RAB9B: variants seen among roughly 807,000 people sequenced by gnomAD.
RAB9B encodes the protein ras-related protein Rab-9B.
A neutral mutation model predicts 8.9 loss-of-function variants in RAB9B; 1 was observed. The observed-to-expected ratio is 0.11, with a 90% confidence interval of 0.04 to 0.53. RAB9B has a LOEUF of 0.53. Among genes scored for constraint, RAB9B ranks in the 20% least tolerant of loss-of-function variants. The pLI is 0.93. For synonymous variants in RAB9B, 63 were observed against 57.0 expected (o/e 1.10, Z -0.47); for missense variants, 82 against 152.9 (o/e 0.54, Z 2.45).
chrX:103,800,936 T>G, the RAB9B span, among the ~76,000 whole-genome samples: 3 of 111,980 alleles, frequency 2.7e-5, no homozygotes, highest in Non-Finnish European at 5.6e-5. Context: ...AAGACTTTAA[T>G]GCAGTTCAAT....
chrX:103,812,194 G>C, the RAB9B span, among the ~76,000 whole-genome samples: 4 of 110,394 alleles, frequency 3.6e-5, no homozygotes, highest in Admixed American at 3.9e-4. Context: ...CATTATGAAG[G>C]CTCCACTCTC....
In RAB9B at chrX:103,825,584, T is replaced by C; in HGVS notation, c.201A>G (p.Glu67=). 1 of 1,211,941 alleles carries C rather than the reference T, an allele frequency of 8.3e-7. No homozygotes were observed. The highest frequency in any genetic ancestry group is 1.8e-5 in the South Asian group (1 of 57,012). The change falls in exon 3 of 3, where the codon GAA becomes GAG. Residue 67 remains glutamate (E), a synonymous_variant. Coordinates refer to ENST00000243298, the MANE Select transcript of RAB9B (RefSeq NM_016370.4). ...AGGGTGTCCTAAGGCTCTTGAAACG[T>C]TCCTGCCCTGCAGTGTCCCAGATCT... ...TLQIWDTAGQ[E]RFKSLRTPFY...
At chrX:103,777,065 A>G in the RAB9B span, 2 of 1,004,162 alleles carry the variant, frequency 2.0e-6, no homozygotes, top group Non-Finnish European at 2.8e-6. Flanking sequence ...AGAATTTCCA[A>G]CTTTGGGGTT....
At chrX:103,807,986 C>T in the RAB9B span, among the ~76,000 whole-genome samples, 6 of 112,018 alleles carry the variant, frequency 5.4e-5, no homozygotes, top group African/African-American at 1.6e-4. Flanking sequence ...ACGAGTTATC[C>T]CTATTGTACC....
the RAB9B span, among the ~76,000 whole-genome samples, chrX:103,812,721 G>A: frequency 9.0e-6 from 1 of 111,135 alleles, no homozygotes; most frequent in Non-Finnish European, 1.9e-5. Flanking sequence ...TTCCAGGCCA[G>A]AGCTGCTTGC....
At chrX:103,810,847 A>G in the RAB9B span, among the ~76,000 whole-genome samples, 1 of 112,198 alleles carries the variant, frequency 8.9e-6, no homozygotes, top group Middle Eastern at 4.6e-3. Context: ...TACCTCAAAC[A>G]GTACCTGACG....
the RAB9B span, chrX:103,789,146 G>A: frequency 4.1e-6 from 2 of 484,364 alleles, no homozygotes; most frequent in South Asian, 2.8e-5. Context: ...GTGTTAATGG[G>A]CCAGGTGCTA....
chrX:103,805,267 A>G, the RAB9B span, among the ~76,000 whole-genome samples: 1 of 111,550 alleles, frequency 9.0e-6, no homozygotes, highest in African/African-American at 3.3e-5. Flanking sequence ...TTTTACCCTT[A>G]TTCTAATAAT....
At chrX:103,777,408 T>G in the RAB9B span, among the ~76,000 whole-genome samples, 17 of 112,001 alleles carry the variant, frequency 1.5e-4, no homozygotes, top group Admixed American at 1.5e-3. Context: ...AAATAACTGC[T>G]TGCTTGATGC....
At chrX:103,781,930 G>A in the RAB9B span, among the ~76,000 whole-genome samples, 2 of 111,716 alleles carry the variant, frequency 1.8e-5, no homozygotes, top group African/African-American at 6.5e-5. Context: ...AACCAGGAGG[G>A]GTTCTGAAAT....
chrX:103,801,891 C>G, the RAB9B span, among the ~76,000 whole-genome samples: 1 of 110,901 alleles, frequency 9.0e-6, no homozygotes, highest in Admixed American at 9.7e-5. Flanking sequence ...GGGAGAGGGG[C>G]ATGTCAAGGA....
At chrX:103,795,588 G>A in the RAB9B span, among the ~76,000 whole-genome samples, 12 of 111,922 alleles carry the variant, frequency 1.1e-4, no homozygotes, top group South Asian at 4.1e-3. Flanking sequence ...AAACAACAGG[G>A]AAATGTGGCT....
chrX:103,830,844 C>T (rs1270749521), intron 1 of RAB9B, among the ~76,000 whole-genome samples: 1 of 111,809 alleles, frequency 8.9e-6, no homozygotes, highest in Non-Finnish European at 1.9e-5. Context: ...GAAAATAGTA[C>T]ATTTTAGTAT....
chrX:103,786,874 T>C, the RAB9B span: 1 of 619,208 alleles, frequency 1.6e-6, no homozygotes, highest in Admixed American at 2.6e-5. Context: ...AACGAGAAGG[T>C]CAGGAAGAAC....
At chrX:103,825,865 A>G in intron 2 of RAB9B, 39 bp from the exon 3 acceptor site, 1 of 1,000,992 alleles carries the variant, frequency 1.0e-6, no homozygotes, top group Non-Finnish European at 1.4e-6. Context: ...AAACAGTTAA[A>G]CCTGAAACTG....
the RAB9B span, among the ~76,000 whole-genome samples, chrX:103,793,974 A>G: frequency 8.9e-6 from 1 of 112,538 alleles, no homozygotes; most frequent in African/African-American, 3.2e-5. Context: ...GTCCAGAGCA[A>G]CATTTGTTCA....
intron 1 of RAB9B, among the ~76,000 whole-genome samples, chrX:103,828,997 T>G (rs767116792): frequency 9.8e-5 from 11 of 111,996 alleles, no homozygotes; most frequent in Non-Finnish European, 9.4e-5. Context: ...AGATAATACC[T>G]GCCCTACTTA....
At chrX:103,788,357 G>A in the RAB9B span, 4 of 709,455 alleles carry the variant, frequency 5.6e-6, no homozygotes, top group Non-Finnish European at 9.2e-6. Flanking sequence ...AGAGATGGAA[G>A]AAGGGCTCTG....
the RAB9B span, among the ~76,000 whole-genome samples, chrX:103,815,428 T>C: frequency 8.9e-6 from 1 of 112,288 alleles, no homozygotes; most frequent in Non-Finnish European, 1.9e-5. Context: ...CGATGGAACG[T>C]ATCCCAAAAT....
Sources: gnomAD v4.1 joint callset for allele counts (sites outside exome capture counted in the v4.1 genomes callset) on GRCh38, gnomAD v4.1.1 for gene constraint, MANE v1.5 for transcripts, NCBI Gene and HGNC (gene_info 2026-07-23, HGNC 2026-07-21) for gene names.